The following LDB3 variants were observed in gnomAD, a reference collection of about 807,000 sequenced individuals.
LDB3 encodes LIM domain-binding protein 3.
A neutral mutation model predicts 69.0 loss-of-function variants in LDB3; 49 were observed. The observed-to-expected ratio is 0.71, with a 90% CI of 0.56 to 0.90. LDB3 has a LOEUF of 0.90. Among genes scored for constraint, LDB3 ranks in the 40% least tolerant of loss-of-function variants. The pLI is 0.00. For synonymous variants in LDB3, 387 were observed against 396.2 expected (o/e 0.98, Z 0.28); for missense variants, 928 against 974.1 (o/e 0.95, Z 0.63).
At chr10:86,703,953 A>G in intron 7 of LDB3, among the ~76,000 whole-genome samples, 1 of 151,992 alleles carries the variant, frequency 6.6e-6, no homozygotes, top group Non-Finnish European at 1.5e-5. Context: ...AACTCTACTA[A>G]AAATAGAAAA....
intron 7 of LDB3, among the ~76,000 whole-genome samples, chr10:86,695,485 G>C (rs2803572): frequency 6.6e-6 from 1 of 151,980 alleles, no homozygotes; most frequent in African/African-American, 2.4e-5. Flanking sequence ...CAGGTGAGGT[G>C]GGGGAGGCCT....
chr10:86,718,398 G>C (rs1467937924), intron 11 of LDB3, among the ~76,000 whole-genome samples: 2 of 152,188 alleles, frequency 1.3e-5, no homozygotes, highest in Non-Finnish European at 2.9e-5. Flanking sequence ...TTGCTTCACA[G>C]CCTGACCTTA....
At chr10:86,728,771 G>A (rs537745524) in intron 13 of LDB3, among the ~76,000 whole-genome samples, 8 of 151,648 alleles carry the variant, frequency 5.3e-5, no homozygotes, top group Non-Finnish European at 1.2e-4. Flanking sequence ...TAGTAGAGAC[G>A]GGGTTTCACC....
Position 86,692,522 on chromosome 10 carries a change from T to C in LDB3, c.860-13T>C. 6.2e-7 allele frequency: 1 copy of C among 1,614,136 alleles called. No homozygotes were observed. The highest frequency in any genetic ancestry group is 8.5e-7 in the Non-Finnish European group (1 of 1,179,924). ...TCCCGTGAGTCCCCTGACCAGCTCCTTTCTACCAACAGTGCAAGACCCTGA... is the reference window on the plus strand; with the variant it reads ...TCCCGTGAGTCCCCTGACCAGCTCCCTTCTACCAACAGTGCAAGACCCTGA... On this transcript the variant is annotated splice_polypyrimidine_tract_variant and intron_variant, in intron 6 of 13. Coordinates refer to ENST00000361373, the MANE Select transcript of LDB3 (RefSeq NM_007078.3).
intron 10 of LDB3, among the ~76,000 whole-genome samples, chr10:86,717,036 C>G (rs1265909010): frequency 6.6e-6 from 1 of 152,234 alleles, no homozygotes; most frequent in Non-Finnish European, 1.5e-5. Context: ...GTGCCAGGAA[C>G]TCCCCCTTGG....
chr10:86,713,414 C>T (rs1005485741), intron 9 of LDB3, among the ~76,000 whole-genome samples: 1 of 152,020 alleles, frequency 6.6e-6, no homozygotes, highest in Admixed American at 6.5e-5. Context: ...TGCCCGGCTA[C>T]TAGAAGTTTT....
chr10:86,675,273 C>T (rs1023075433), intron 2 of LDB3, among the ~76,000 whole-genome samples: 13 of 152,360 alleles, frequency 8.5e-5, no homozygotes, highest in African/African-American at 2.2e-4. Flanking sequence ...GGCTGGTGCC[C>T]GCTGACCCAT....
chr10:86,678,671 C>G (rs2132357186), intron 2 of LDB3, among the ~76,000 whole-genome samples: 1 of 152,104 alleles, frequency 6.6e-6, no homozygotes, highest in Non-Finnish European at 1.5e-5. Context: ...CAGAGTCTCC[C>G]TCTGTCACCC....
At chr10:86,727,844 A>ATT (rs34295502) in intron 13 of LDB3, among the ~76,000 whole-genome samples, 6 of 85,654 alleles carry the variant, frequency 7.0e-5, no homozygotes, top group African/African-American at 2.1e-4. Context: ...TTTTTTTTTT[A>ATT]TTTTTTTTTT....
At chr10:86,729,896 A>G (rs570019892) in intron 13 of LDB3, among the ~76,000 whole-genome samples, 45 of 152,308 alleles carry the variant, frequency 3.0e-4, no homozygotes, top group Non-Finnish European at 5.3e-4. Context: ...AGCTGCAGTC[A>G]TTGACAGGCT....
At chr10:86,678,877 C>G (rs1419181595) in intron 2 of LDB3, among the ~76,000 whole-genome samples, 1 of 150,428 alleles carries the variant, frequency 6.6e-6, no homozygotes, top group Non-Finnish European at 1.5e-5. Flanking sequence ...TGGCCTCAAG[C>G]AATTCTCCTA....
rs557479871 is a variant in LDB3 at position 86,681,642 on chromosome 10, G to A, written c.528G>A (p.Gly176=). ...TGAGGGCCAAGACCAGCCCAGAGGG[G>A]GCCCGGGACCTACTCGGCCCAAAAG... is the stretch of plus-strand genomic sequence containing the variant. ...ASLRAKTSPE[G]ARDLLGPKAL... The change falls in exon 5 of 14, where the codon GGG becomes GGA. Residue 176 remains glycine (G), a synonymous_variant. Transcript: ENST00000361373. 5 of 1,613,100 alleles carry A rather than the reference G, an allele frequency of 3.1e-6. No individual in the cohort carries two copies. Among genetic ancestry groups the A allele is most frequent in the Admixed American group, 3.3e-5 (2 of 60,002 alleles).
intron 13 of LDB3, 122 bp from the exon 14 acceptor site, chr10:86,732,763 CAA>C: frequency 2.7e-6 from 2 of 737,996 alleles, no homozygotes; most frequent in Non-Finnish European, 4.7e-6. Flanking sequence ...CTTGGCCTTC[CAA>C]AGTGCTGGGA....
rs371412193 is a variant in LDB3 at position 86,699,403 on chromosome 10, C to T, written c.896+6832C>T. ...GCTGCCTGGAATCCCCCCACCCCAACAGGCTGGACTCCCTCCATCCTTACC... is the reference window on the plus strand; with the variant it reads ...GCTGCCTGGAATCCCCCCACCCCAATAGGCTGGACTCCCTCCATCCTTACC... On this transcript the variant is annotated intron_variant, in intron 7 of 13. Transcript: ENST00000361373. The surrounding 1 kb of genome is among the most constrained non-coding windows in gnomAD (Gnocchi z 4.9). 1.5e-5 allele frequency: 24 copies of T among 1,612,928 alleles called. No homozygotes were observed. The African/African-American group carries it at 2.9e-4, about 20-fold the overall frequency.
intron 12 of LDB3, among the ~76,000 whole-genome samples, chr10:86,722,355 G>C (rs1847107546): frequency 1.3e-5 from 2 of 151,992 alleles, no homozygotes; most frequent in Admixed American, 6.6e-5. Context: ...CCGCCTCTGG[G>C]GTTCATGCAA....
chr10:86,672,009 G>A (rs568612386), intron 2 of LDB3, among the ~76,000 whole-genome samples: 1 of 152,312 alleles, frequency 6.6e-6, no homozygotes, highest in Non-Finnish European at 1.5e-5. Flanking sequence ...CTACTCAAGA[G>A]GCTGAGGCAG....
At chr10:86,667,188 G>A (rs1026956679), upstream of LDB3, among the ~76,000 whole-genome samples, 10 of 152,124 alleles carry the variant, frequency 6.6e-5, no homozygotes, top group South Asian at 6.2e-4. Context: ...AAACAACCCC[G>A]TAATATGGGT....
chr10:86,718,150 T>C lies in LDB3; in HGVS notation c.1857+6T>C, dbSNP rs2132485825. 6.2e-7 allele frequency: 1 copy of C among 1,613,622 alleles called. No individual in the cohort carries two copies. On this transcript the variant is annotated splice_donor_region_variant and intron_variant, in intron 11 of 13. Transcript: ENST00000361373. ...GCAACACCAAAATTATGGGGGTAAG[T>C]GGGAGGCCTCCATTTCCTCTGACCC...
chr10:86,679,763 G>A (rs547551169), intron 3 of LDB3, among the ~76,000 whole-genome samples: 8 of 152,346 alleles, frequency 5.3e-5, no homozygotes, highest in South Asian at 2.1e-4. Flanking sequence ...GGTGCTGCCC[G>A]TACGTGGGCC....
Sources: allele counts gnomAD v4.1 joint callset (sites outside exome capture counted in the v4.1 genomes callset), GRCh38; gene constraint gnomAD v4.1.1; non-coding constraint Gnocchi (gnomAD v3.1); transcripts MANE v1.5; gene names NCBI Gene and HGNC (gene_info 2026-07-23, HGNC 2026-07-21).